ARHGAP18: variants seen among roughly 807,000 people sequenced by gnomAD.
ARHGAP18 encodes the protein Rho GTPase activating protein 18.
A neutral mutation model predicts 86.2 loss-of-function variants in ARHGAP18; 67 were observed. The observed-to-expected ratio is 0.78, with a 90% CI of 0.64 to 0.95. The LOEUF (loss-of-function observed/expected upper bound fraction) is 0.95, where lower values mean the gene tolerates loss of function less well. Among genes scored for constraint, ARHGAP18 ranks in the 40% least tolerant of loss-of-function variants. The probability of loss-of-function intolerance (pLI) is 0.00; values close to 1 mark genes in which losing one functional copy is unlikely to be tolerated. For synonymous variants in ARHGAP18, 283 were observed against 280.4 expected, an observed-to-expected ratio of 1.01 and a Z score of -0.09; for missense variants, 691 against 780.4, an observed-to-expected ratio of 0.89 and a Z score of 1.37.
chr6:129,625,614 A>T, intron 5 of ARHGAP18, among the ~76,000 whole-genome samples: 1 of 65,648 alleles, frequency 1.5e-5, no homozygotes, highest in African/African-American at 5.6e-5. Flanking sequence ...ATATTATTAT[A>T]TATTTATATA....
chr6:129,651,345 G>A (rs567618772), intron 1 of ARHGAP18, among the ~76,000 whole-genome samples: 1 of 152,274 alleles, frequency 6.6e-6, no homozygotes, highest in East Asian at 1.9e-4. Flanking sequence ...ATATGAGATT[G>A]TAACTAATAT....
intron 1 of ARHGAP18, among the ~76,000 whole-genome samples, chr6:129,686,365 ACT>A (rs1360955699): frequency 2.0e-5 from 3 of 151,918 alleles, no homozygotes; most frequent in African/African-American, 7.2e-5. Flanking sequence ...TTCCCATAAG[ACT>A]CTCTGCACAT....
intron 4 of ARHGAP18, among the ~76,000 whole-genome samples, chr6:129,633,123 A>G (rs1156333647): frequency 6.6e-6 from 1 of 152,192 alleles, no homozygotes; most frequent in Non-Finnish European, 1.5e-5. Context: ...GTAAGTACTA[A>G]TAAAGCCTTA....
intron 9 of ARHGAP18, 144 bp downstream of exon 9, chr6:129,607,749 A>T: frequency 1.3e-6 from 1 of 749,640 alleles, no homozygotes. Flanking sequence ...AATGCATGGC[A>T]GCTGAGCACC....
In ARHGAP18 at chr6:129,625,547, ATATT is replaced by A. The variant is rs1459564741; in HGVS notation, c.786+3802_786+3805del. ...TATAACTATACATTATATATTATATATATTTATTATATATTATATATCATTATAC... is the reference window on the plus strand; with the variant it reads ...TATAACTATACATTATATATTATATATATTATATATTATATATCATTATAC... On this transcript the variant is annotated intron_variant, in intron 5 of 14. Transcript: ENST00000368149. Among the ~76,000 whole-genome samples the A allele has an allele frequency of 7.3e-5, 4 of 54,706 alleles. 1 individual carries two copies. The highest frequency in any genetic ancestry group is 5.9e-4 in the South Asian group (1 of 1,704). The allele number at this position is 54,706 out of a possible 152,430, so 35.9% of individuals were successfully genotyped here. A position where few individuals can be genotyped will look rare whatever the true frequency, so the allele number is the denominator to read the frequency against.
At chr6:129,650,953 T>C (rs1375123321) in intron 1 of ARHGAP18, among the ~76,000 whole-genome samples, 1 of 152,190 alleles carries the variant, frequency 6.6e-6, no homozygotes, top group East Asian at 1.9e-4. Flanking sequence ...TCCTACGCTG[T>C]GATGATCTGC....
chr6:129,670,153 A>G (rs2114527103), intron 1 of ARHGAP18, among the ~76,000 whole-genome samples: 1 of 152,364 alleles, frequency 6.6e-6, no homozygotes. Context: ...ATTCAACTCC[A>G]AAACACCTCC....
At chr6:129,607,116 T>C (rs55895840) in intron 9 of ARHGAP18, among the ~76,000 whole-genome samples, 12,675 of 152,160 alleles carry the variant, frequency 0.083, 529 homozygotes, top group African/African-American at 0.1. Context: ...CGCCTCAGCC[T>C]CCCAAAGTGC....
Position 129,607,941 on chromosome 6 carries a change from G to A in ARHGAP18, c.1234C>T (p.Gln412Ter), listed in dbSNP as rs763234355. Residue 412 changes from glutamine to a stop codon, truncating the protein, a stop_gained, in exon 9 of 15, where the codon CAG becomes TAG. Transcript: ENST00000368149. LOFTEE classifies it high-confidence loss of function. ...LLKLFIRELPQPLLSVEYLKA... is the reference protein window; with the variant it reads ...LLKLFIRELP ...AGATACTCCACACTGAGCAGTGGCT[G>A]GGGCAACTCCCGAATGAAGAGCTTC... 2 of 1,613,768 alleles carry A rather than the reference G, an allele frequency of 1.2e-6. No individual in the cohort carries two copies. The highest frequency in any genetic ancestry group is 1.7e-6 in the Non-Finnish European group (2 of 1,179,852).
chr6:129,641,804 G>A lies in ARHGAP18; in HGVS notation c.316+12C>T. 6.2e-7 allele frequency: 1 copy of A among 1,604,426 alleles called. No homozygotes were observed. Among genetic ancestry groups the A allele is most frequent in the African/African-American group, 1.3e-5 (1 of 74,516 alleles). On this transcript the variant is annotated intron_variant, in intron 2 of 14. Coordinates refer to ENST00000368149, the MANE Select transcript of ARHGAP18 (RefSeq NM_033515.3). ...ATACAAACAACAAAAGCTTTATTTA[G>A]TTAGTTATTACCATCAGGCTCTTTG...
At chr6:129,643,294 C>A (rs1773507691) in intron 1 of ARHGAP18, among the ~76,000 whole-genome samples, 1 of 152,002 alleles carries the variant, frequency 6.6e-6, no homozygotes, top group African/African-American at 2.4e-5. Context: ...TGGGGGGACC[C>A]AACAGGAGGT....
At chr6:129,634,323 G>A (rs1231018117) in intron 3 of ARHGAP18, among the ~76,000 whole-genome samples, 2 of 152,012 alleles carry the variant, frequency 1.3e-5, no homozygotes, top group Admixed American at 1.3e-4. Context: ...AGGCCCAGTG[G>A]GAAATATTAA....
At chr6:129,618,099 A>G (rs972806351) in intron 6 of ARHGAP18, among the ~76,000 whole-genome samples, 4 of 146,860 alleles carry the variant, frequency 2.7e-5, no homozygotes, top group African/African-American at 1.0e-4. Context: ...AAAGCAAGGT[A>G]CTTACAAAAA....
chr6:129,582,295 C>T (rs1362817845), intron 13 of ARHGAP18, among the ~76,000 whole-genome samples: 16 of 152,100 alleles, frequency 1.1e-4, no homozygotes, highest in Admixed American at 1.0e-3. Flanking sequence ...CATGCTATAC[C>T]TTAAATATTA....
chr6:129,626,105 C>CACACACACACACACATAT (rs1425322925), intron 5 of ARHGAP18, among the ~76,000 whole-genome samples: 41 of 124,916 alleles, frequency 3.3e-4, no homozygotes, highest in East Asian at 1.8e-3. Context: ...CACACACACA[C>CACACACACACACACATAT]ATATATAGAA....
intron 12 of ARHGAP18, 79 bp downstream of exon 12, chr6:129,599,137 G>A (rs1292054359): frequency 2.5e-6 from 3 of 1,221,410 alleles, no homozygotes; most frequent in Non-Finnish European, 3.2e-6. Flanking sequence ...GTCATACTAT[G>A]AAAACATTAA....
chr6:129,633,400 A>G (rs1463045824), intron 4 of ARHGAP18, among the ~76,000 whole-genome samples: 5 of 144,786 alleles, frequency 3.5e-5, no homozygotes, highest in African/African-American at 1.3e-4. Context: ...ACGCCACTGC[A>G]CTCTAGCCTG....
intron 1 of ARHGAP18, among the ~76,000 whole-genome samples, chr6:129,651,981 G>A (rs1773720878): frequency 6.6e-6 from 1 of 152,216 alleles, no homozygotes; most frequent in African/African-American, 2.4e-5. Flanking sequence ...ATGGTGAGAA[G>A]GTGCCATCCG....
Position 129,708,433 on chromosome 6 carries a change from C to T in ARHGAP18, c.113+1591G>A, listed in dbSNP as rs1584127527. On this transcript the variant is annotated intron_variant, in intron 1 of 14. Transcript: ENST00000368149. ...GATCCTCTCTTATTCTCTCAACCCA[C>T]TCAAGTATGGGCCACCCACACTGCA... Among the ~76,000 whole-genome samples, 6 of 152,204 alleles carry T rather than the reference C, an allele frequency of 3.9e-5. No individual in the cohort carries two copies. In the South Asian group the frequency reaches 1.2e-3, roughly 31 times the overall value.
Sources: allele counts gnomAD v4.1 joint callset (sites outside exome capture counted in the v4.1 genomes callset), GRCh38; gene constraint gnomAD v4.1.1; transcripts MANE v1.5; gene names NCBI Gene and HGNC (gene_info 2026-07-23, HGNC 2026-07-21).